Variants in COL4A6 observed in about 807,000 individuals in gnomAD.
COL4A6 encodes collagen alpha-6(IV) chain.
In COL4A6, 59 loss-of-function variants were observed where a neutral mutation model predicts 126.7. That is an observed-to-expected ratio of 0.47 (90% CI 0.38 to 0.58). The LOEUF (loss-of-function observed/expected upper bound fraction) is 0.58, where lower values mean the gene tolerates loss of function less well. Ranked by LOEUF, COL4A6 falls within the 20% of genes least tolerant of loss-of-function variation. COL4A6 has a pLI of 0.00. For missense variants in COL4A6, 1,285 were observed against 1,337.3 expected, an observed-to-expected ratio of 0.96 and a Z score of 0.61; for synonymous variants, 547 against 496.6, an observed-to-expected ratio of 1.10 and a Z score of -1.35.
chrX:108,297,970 C>CCACACA (rs755481604), intron 3 of COL4A6, among the ~76,000 whole-genome samples: 2 of 105,403 alleles, frequency 1.9e-5, no homozygotes, highest in African/African-American at 6.9e-5. Flanking sequence ...AGTACACACA[C>CCACACA]CACACACACA....
At chrX:108,267,608 TAC>T (rs2037344041) in intron 3 of COL4A6, 1 of 112,487 alleles carries the variant, frequency 8.9e-6, no homozygotes, top group Non-Finnish European at 1.9e-5. Flanking sequence ...TATAAAACAA[TAC>T]AGACACACAT....
intron 3 of COL4A6, among the ~76,000 whole-genome samples, chrX:108,307,666 C>T (rs1422322940): frequency 1.8e-5 from 2 of 112,053 alleles, no homozygotes; most frequent in African/African-American, 3.2e-5. Context: ...CCCAATGTTC[C>T]GTTGCCCTCC....
At chrX:108,300,366 CTGTGTGTGTGTGTG>C (rs3039370) in intron 3 of COL4A6, among the ~76,000 whole-genome samples, 1 of 98,167 alleles carries the variant, frequency 1.0e-5, no homozygotes, top group Non-Finnish European at 2.0e-5. Flanking sequence ...CTCTCTCTCT[CTGTGTGTGTGTGTG>C]TGTGTGTGTG....
intron 17 of COL4A6, 75 bp downstream of exon 17, chrX:108,193,553 C>G: frequency 4.6e-6 from 4 of 862,924 alleles, no homozygotes; most frequent in Non-Finnish European, 6.7e-6. Flanking sequence ...ACAAAGTATC[C>G]TTTTAATAAT....
At chrX:108,253,327 T>C (rs2036904896) in intron 3 of COL4A6, among the ~76,000 whole-genome samples, 1 of 112,224 alleles carries the variant, frequency 8.9e-6, no homozygotes, top group Non-Finnish European at 1.9e-5. Flanking sequence ...TCTATCTTTT[T>C]AAAAATTATT....
chrX:108,157,777 T>C (rs2033788336), intron 44 of COL4A6, among the ~76,000 whole-genome samples: 1 of 111,957 alleles, frequency 8.9e-6, no homozygotes, highest in African/African-American at 3.2e-5. Flanking sequence ...CCAAATACCC[T>C]GGCCCTCACC....
chrX:108,272,551 T>G lies in COL4A6; in HGVS notation c.144+38197A>C, dbSNP rs146125210. On this transcript the variant is annotated intron_variant, in intron 3 of 44. Transcript: ENST00000334504. ...CTCCCCATGAAAATTCTCTTCATAA[T>G]AAAAATGAGATGAGTGGAAATTTAA... Among the ~76,000 whole-genome samples the G allele has an allele frequency of 6.2e-3, 691 of 111,777 alleles. 3 individuals carry two copies. Among genetic ancestry groups the G allele is most frequent in the African/African-American group, 0.021 (649 of 30,728 alleles).
intron 3 of COL4A6, among the ~76,000 whole-genome samples, chrX:108,239,975 G>C (rs1380109243): frequency 9.0e-6 from 1 of 111,392 alleles, no homozygotes; most frequent in Non-Finnish European, 1.9e-5. Context: ...GGGTGTGGTG[G>C]CTCACACCTG....
intron 3 of COL4A6, chrX:108,269,161 A>C: frequency 4.1e-6 from 1 of 242,780 alleles, no homozygotes; most frequent in South Asian, 4.4e-5. Flanking sequence ...TGCTGCAGAC[A>C]AAAAAAAAAT....
At chrX:108,310,878 G>T in intron 2 of COL4A6, 50 bp from the exon 3 acceptor site, 1 of 1,016,766 alleles carries the variant, frequency 9.8e-7, no homozygotes, top group Non-Finnish European at 1.4e-6. Context: ...AAGAAGCAAT[G>T]TTGTCCCAGC....
At chrX:108,300,839 T>G (rs779388182) in intron 3 of COL4A6, among the ~76,000 whole-genome samples, 2 of 110,188 alleles carry the variant, frequency 1.8e-5, no homozygotes, top group South Asian at 7.9e-4. Flanking sequence ...CCAGAGTACT[T>G]TCTTAAATGT....
At chrX:108,228,460 C>T (rs1363245541) in intron 3 of COL4A6, among the ~76,000 whole-genome samples, 1 of 112,382 alleles carries the variant, frequency 8.9e-6, no homozygotes, top group Non-Finnish European at 1.9e-5. Flanking sequence ...CACTGCATGG[C>T]CCATGCCCTC....
chrX:108,218,501 G>T (rs1009172451), intron 5 of COL4A6, among the ~76,000 whole-genome samples: 1 of 112,345 alleles, frequency 8.9e-6, no homozygotes, highest in African/African-American at 3.2e-5. Context: ...CAGATACGAG[G>T]TAAGTGAGCC....
At chrX:108,182,581 C>T (rs1270124600) in intron 23 of COL4A6, among the ~76,000 whole-genome samples, 1 of 112,226 alleles carries the variant, frequency 8.9e-6, no homozygotes, top group Non-Finnish European at 1.9e-5. Context: ...CAGGTCAACA[C>T]TTTATGGTGA....
At chrX:108,254,378 CTTAAT>C (rs999976785) in intron 3 of COL4A6, among the ~76,000 whole-genome samples, 10 of 111,721 alleles carry the variant, frequency 9.0e-5, no homozygotes, top group African/African-American at 3.2e-4. Context: ...TATGGGCACA[CTTAAT>C]TTAAGAGAAA....
Position 108,438,276 on chromosome X carries a change from G to T in COL4A6, c.-80C>A, listed in dbSNP as rs1414995579. On this transcript the variant is annotated 5_prime_UTR_variant, in exon 1 of 45. Transcript: ENST00000334504. ...CCGTGCTCATCTGGGCTCTGCTGAT[G>T]CTTGGAGGCTGTTTCCTTACTCAGA... The T allele has an allele frequency of 2.6e-6, 3 of 1,134,537 alleles. No homozygotes were observed. Among genetic ancestry groups the T allele is most frequent in the Non-Finnish European group, 2.3e-6 (2 of 860,934 alleles). The allele number at this position is 1,134,537 out of a possible 1,213,427, so 93.5% of individuals were successfully genotyped here.
intron 3 of COL4A6, among the ~76,000 whole-genome samples, chrX:108,306,346 G>A (rs1048782489): frequency 2.7e-5 from 3 of 111,909 alleles, no homozygotes; most frequent in Admixed American, 9.5e-5. Context: ...CAGGCAGCTG[G>A]AGAAAGGCCT....
chrX:108,409,082 T>C (rs975130100), intron 2 of COL4A6, among the ~76,000 whole-genome samples: 2 of 112,658 alleles, frequency 1.8e-5, no homozygotes, highest in African/African-American at 6.5e-5. Context: ...ACCACCGGTC[T>C]AGATAATTGA....
Position 108,403,233 on chromosome X carries a change from G to GCTCTCTCT in COL4A6, c.63+34701_63+34708dup, listed in dbSNP as rs59212608. Among the ~76,000 whole-genome samples, 181 of 62,339 alleles carry GCTCTCTCT rather than the reference G, an allele frequency of 2.9e-3. 4 individuals are homozygous for GCTCTCTCT. Among genetic ancestry groups the GCTCTCTCT allele is most frequent in the Admixed American group, 0.012 (52 of 4,278 alleles). The allele number at this position is 62,339 out of a possible 115,157, so 54.1% of individuals were successfully genotyped here. On this transcript the variant is annotated intron_variant, in intron 2 of 44. Transcript: ENST00000334504. ...CCACAATGTATCTATGCAAAGATTA[G>GCTCTCTCT]CTCTCTCTCTCTCTCTCTCTCTCTC...
Sources: gnomAD v4.1 joint callset for allele counts (sites outside exome capture counted in the v4.1 genomes callset) on GRCh38, gnomAD v4.1.1 for gene constraint, MANE v1.5 for transcripts, NCBI Gene and HGNC (gene_info 2026-07-23, HGNC 2026-07-21) for gene names.